The following LRRC61 variants were observed in gnomAD, a reference collection of about 807,000 sequenced individuals.
The protein encoded by LRRC61 is leucine-rich repeat-containing protein 61.
In LRRC61, 9 loss-of-function variants were observed where a neutral mutation model predicts 15.1. The ratio of observed to expected loss-of-function variants is 0.60; its 90% CI spans 0.36 to 1.04. LRRC61 has a LOEUF of 1.04. LRRC61 is among the 50% of genes least tolerant of loss of function. LRRC61 has a pLI of 0.01. For synonymous variants in LRRC61, 173 were observed against 158.6 expected, an observed-to-expected ratio of 1.09 and a Z score of -0.68; for missense variants, 344 against 335.6, an observed-to-expected ratio of 1.03 and a Z score of -0.20.
chr7:150,321,731 C>A (rs1477330358), upstream of LRRC61, among the ~76,000 whole-genome samples: 2 of 152,008 alleles, frequency 1.3e-5, no homozygotes, highest in African/African-American at 4.8e-5. Flanking sequence ...GAGAGTGAGA[C>A]TCCATCTCAA....
rs371805413 is a variant in LRRC61 at position 150,337,456 on chromosome 7, T to G, written c.595T>G (p.Trp199Gly). ...CCCCAGAGCCACCGAGGCCCAGCCC[T>G]GGGTGGAGCCAGGCTACTGGGAGTC... is the stretch of plus-strand genomic sequence containing the variant. ...PGPRATEAQP[W>G]VEPGYWESWP... Residue 199 changes from tryptophan to glycine, a missense_variant, in exon 3 of 3, where the codon TGG (tryptophan) becomes GGG (glycine). Coordinates refer to ENST00000359623, the MANE Select transcript of LRRC61 (RefSeq NM_001142928.2). The G allele has an allele frequency of 1.6e-5, 26 of 1,603,968 alleles. No homozygotes were observed. The highest frequency in any genetic ancestry group is 2.2e-5 in the Non-Finnish European group (26 of 1,179,780).
In LRRC61 at chr7:150,336,977, G is replaced by T. The variant is rs146095396; in HGVS notation, c.116G>T (p.Arg39Leu). Residue 39 changes from arginine (R) to leucine (L), a missense_variant, in exon 3 of 3, where the codon CGT becomes CTT. Arg to Leu is a moderately radical substitution (Grantham distance 102, BLOSUM62 -2). Transcript: ENST00000359623. ...GAGTCCATCCTGCTACTGAAGCTGC[G>T]TGGCTTGGGACTGGCTGACCTGGGC... is the stretch of plus-strand genomic sequence containing the variant. ...SLESILLLKL[R>L]GLGLADLGCL... 1.2e-6 allele frequency: 2 copies of T among 1,613,848 alleles called. No homozygotes were observed. The highest frequency in any genetic ancestry group is 1.7e-6 in the Non-Finnish European group (2 of 1,180,036).
the LRRC61 span, among the ~76,000 whole-genome samples, chr7:150,316,316 C>T: frequency 2.0e-5 from 3 of 152,172 alleles, no homozygotes; most frequent in Admixed American, 2.0e-4. Flanking sequence ...ATTAATCTGG[C>T]TGTCAATACA....
At chr7:150,318,275 C>T (rs1184071476), upstream of LRRC61, among the ~76,000 whole-genome samples, 2 of 152,142 alleles carry the variant, frequency 1.3e-5, no homozygotes, top group Non-Finnish European at 2.9e-5. Flanking sequence ...CGAGGGATTT[C>T]TGGGAGCACC....
the LRRC61 span, among the ~76,000 whole-genome samples, chr7:150,316,698 A>T: frequency 9.4e-3 from 1,422 of 151,886 alleles, 23 homozygotes; most frequent in African/African-American, 0.033. Context: ...GTTGGCCAGG[A>T]TGGTCTCTAT....
At position 150,330,845 on chromosome 7, in the gene LRRC61, G is replaced by A. The variant is rs748717770; in HGVS notation, c.-145+4835G>A. The A allele has an allele frequency of 1.9e-6, 3 of 1,608,768 alleles. No individual in the cohort carries two copies. Among genetic ancestry groups the A allele is most frequent in the Non-Finnish European group, 2.5e-6 (3 of 1,176,896 alleles). On this transcript the variant is annotated intron_variant, in intron 2 of 2. Transcript: ENST00000359623. This position sits in a 1 kb window ranked among gnomAD's most constrained non-coding sequence, Gnocchi z 4.6. ...GCTCCGGGGTGGAGGGGAGAAGCCAGGGGGAGCCTCTGCAGAGCAGCAGCC... is the reference window on the plus strand; with the variant it reads ...GCTCCGGGGTGGAGGGGAGAAGCCAAGGGGAGCCTCTGCAGAGCAGCAGCC...
At chr7:150,318,293 A>G (rs1183620105), upstream of LRRC61, among the ~76,000 whole-genome samples, 1 of 152,194 alleles carries the variant, frequency 6.6e-6, no homozygotes, top group Admixed American at 6.5e-5. Flanking sequence ...ACCACAAGCT[A>G]AGACAAAGAC....
chr7:150,328,156 G>A (rs1482891027), intron 2 of LRRC61, among the ~76,000 whole-genome samples: 3 of 152,202 alleles, frequency 2.0e-5, no homozygotes, highest in African/African-American at 7.2e-5. Flanking sequence ...TTCTTTTGGG[G>A]TAGGTGAATG....
At chr7:150,328,117 C>T (rs1464571109) in intron 2 of LRRC61, among the ~76,000 whole-genome samples, 2 of 152,054 alleles carry the variant, frequency 1.3e-5, no homozygotes, top group East Asian at 3.9e-4. Context: ...CCTGAGAATT[C>T]AATATATGCG....
Position 150,336,804 on chromosome 7 carries a change from A to G in LRRC61, c.-58A>G, listed in dbSNP as rs1798306536. 1 of 1,549,452 alleles carries G rather than the reference A, an allele frequency of 6.5e-7. No individual in the cohort carries two copies. The highest frequency in any genetic ancestry group is 8.7e-7 in the Non-Finnish European group (1 of 1,147,398). On this transcript the variant is annotated 5_prime_UTR_variant, in exon 3 of 3. Transcript: ENST00000359623. ...CCAGGGCGAGCACCAGCTGACCCCC[A>G]GTGGAACCCTGTGACAGTCCTGCCA...
chr7:150,322,295 T>G (rs1797604057), upstream of LRRC61, among the ~76,000 whole-genome samples: 1 of 152,158 alleles, frequency 6.6e-6, no homozygotes, highest in African/African-American at 2.4e-5. Flanking sequence ...GGTTAGGCAT[T>G]CTAAGTCACA....
Position 150,330,447 on chromosome 7 carries a change from C to T in LRRC61, c.-145+4437C>T. 1 of 777,126 alleles carries T rather than the reference C, an allele frequency of 1.3e-6. No individual in the cohort carries two copies. The allele number at this position is 777,126 out of a possible 1,614,324, so 48.1% of individuals were successfully genotyped here. ...GAGTGCGGCACAGGCCTCTCTGAGC[C>T]AGGTGCTGCCCCAGCTGCGCTACCT... On this transcript the variant is annotated intron_variant, in intron 2 of 2. Transcript: ENST00000359623. The surrounding 1 kb of genome is among the most constrained non-coding windows in gnomAD (Gnocchi z 4.6).
the LRRC61 span, among the ~76,000 whole-genome samples, chr7:150,315,361 C>G: frequency 1.3e-5 from 2 of 152,004 alleles, no homozygotes; most frequent in South Asian, 2.1e-4. Context: ...AATCCATATA[C>G]CTGGAAGAGG....
At chr7:150,329,601 G>A (rs1400702942) in intron 2 of LRRC61, among the ~76,000 whole-genome samples, 2 of 152,226 alleles carry the variant, frequency 1.3e-5, no homozygotes, top group African/African-American at 2.4e-5. Flanking sequence ...CTGCCCATGA[G>A]GAATTTCCTC....
At chr7:150,314,043 A>G in the LRRC61 span, among the ~76,000 whole-genome samples, 1 of 152,214 alleles carries the variant, frequency 6.6e-6, no homozygotes, top group Non-Finnish European at 1.5e-5. Context: ...TGGTCCCTCC[A>G]GGGCGAGTGA....
intron 1 of LRRC61, 83 bp downstream of exon 1, chr7:150,323,643 G>A (rs1451927389): frequency 4.4e-6 from 2 of 455,682 alleles, no homozygotes; most frequent in East Asian, 7.0e-5. Context: ...CACCTGCTGG[G>A]CCAGCGGTGC....
Position 150,337,728 on chromosome 7 carries a change from C to T in LRRC61, c.*87C>T, listed in dbSNP as rs1256440301. The T allele has an allele frequency of 7.4e-7, 1 of 1,354,348 alleles. No homozygotes were observed. The highest frequency in any genetic ancestry group is 1.0e-6 in the Non-Finnish European group (1 of 1,004,914). The allele number at this position is 1,354,348 out of a possible 1,614,324, so 83.9% of individuals were successfully genotyped here. A position where few individuals can be genotyped will look rare whatever the true frequency, so the allele number is the denominator to read the frequency against. The stretch of plus-strand genomic sequence containing the variant: ...GCCCCCACACTCGTCTTAGTTGCTT[C>T]ACACTGGTCACTGGCCCTGCACACT... On this transcript the variant is annotated 3_prime_UTR_variant, in exon 3 of 3. Coordinates refer to ENST00000359623, the MANE Select transcript of LRRC61 (RefSeq NM_001142928.2).
In LRRC61 at chr7:150,337,461, G is replaced by A; in HGVS notation, c.600G>A (p.Val200=). The change falls in exon 3 of 3, where the codon GTG becomes GTA. Residue 200 remains valine (V), a synonymous_variant. Coordinates refer to ENST00000359623, the MANE Select transcript of LRRC61 (RefSeq NM_001142928.2). The part of the protein sequence containing the change: ...GPRATEAQPW[V]EPGYWESWPS... ...GAGCCACCGAGGCCCAGCCCTGGGT[G>A]GAGCCAGGCTACTGGGAGTCCTGGC... 3 of 1,603,766 alleles carry A rather than the reference G, an allele frequency of 1.9e-6. No individual in the cohort carries two copies. Among genetic ancestry groups the A allele is most frequent in the South Asian group, 1.1e-5 (1 of 91,042 alleles).
chr7:150,334,734 C>T (rs1045970562), intron 2 of LRRC61, among the ~76,000 whole-genome samples: 6 of 152,322 alleles, frequency 3.9e-5, no homozygotes, highest in East Asian at 1.9e-4. Flanking sequence ...AAGGGAGCCC[C>T]GGGCCGGGTG....
Sources: gnomAD v4.1 joint callset for allele counts (sites outside exome capture counted in the v4.1 genomes callset) on GRCh38, gnomAD v4.1.1 for gene constraint, Gnocchi (gnomAD v3.1) non-coding constraint, MANE v1.5 for transcripts, NCBI Gene and HGNC (gene_info 2026-07-23, HGNC 2026-07-21) for gene names.